Variants in LINC00305 observed in about 807,000 individuals in gnomAD.
LINC00305 encodes the protein long independently transcribed non-coding RNA 305.
intron 3 of LINC00305, among the ~76,000 whole-genome samples, chr18:64,093,542 C>A (rs2051233065): frequency 6.6e-6 from 1 of 152,146 alleles, no homozygotes; most frequent in Admixed American, 6.5e-5. Flanking sequence ...CCATGTTGGC[C>A]AGGTTGGTCT....
At chr18:64,102,724 AG>A (rs2051272459) in intron 1 of LINC00305, among the ~76,000 whole-genome samples, 2 of 152,316 alleles carry the variant, frequency 1.3e-5, no homozygotes, top group East Asian at 3.9e-4. Flanking sequence ...CGGAGGGCAA[AG>A]GGGAAGCAGG....
intron 1 of LINC00305, among the ~76,000 whole-genome samples, chr18:64,143,603 TATGTACATATGTAC>T (rs1568120126): frequency 1.9e-5 from 2 of 103,882 alleles, no homozygotes; most frequent in African/African-American, 4.3e-5. Context: ...CACATATGTA[TATGTACATATGTAC>T]ACATATGTAT....
chr18:64,143,808 T>TACAC (rs2051483347), intron 1 of LINC00305, among the ~76,000 whole-genome samples: 1 of 151,512 alleles, frequency 6.6e-6, no homozygotes, highest in African/African-American at 2.4e-5. Context: ...TACATGTATG[T>TACAC]ATACATATAT....
chr18:64,133,760 C>T (rs1599228083), intron 1 of LINC00305, among the ~76,000 whole-genome samples: 1 of 152,302 alleles, frequency 6.6e-6, no homozygotes, highest in South Asian at 2.1e-4. Flanking sequence ...GAAACTCTTC[C>T]TGATTTTCCC....
chr18:64,099,487 C>A (rs141551288), intron 1 of LINC00305, among the ~76,000 whole-genome samples: 260 of 152,200 alleles, frequency 1.7e-3, no homozygotes, highest in African/African-American at 6.0e-3. Flanking sequence ...GGGTTGGACC[C>A]AGAGATGGAA....
chr18:64,083,106 A>G (rs1400357887), intron 3 of LINC00305, among the ~76,000 whole-genome samples: 3 of 151,952 alleles, frequency 2.0e-5, no homozygotes, highest in Non-Finnish European at 4.4e-5. Context: ...TCCTTTAATC[A>G]TCCTACTTTA....
chr18:64,138,953 G>A (rs1196002502), intron 1 of LINC00305, among the ~76,000 whole-genome samples: 1 of 152,152 alleles, frequency 6.6e-6, no homozygotes, highest in Non-Finnish European at 1.5e-5. Context: ...GATAACCAGT[G>A]CATGCAGACG....
At chr18:64,128,345 A>G (rs1357028897) in intron 1 of LINC00305, among the ~76,000 whole-genome samples, 3 of 149,388 alleles carry the variant, frequency 2.0e-5, no homozygotes, top group Admixed American at 6.6e-5. Context: ...CTGTGACACC[A>G]TCACCTGCCA....
chr18:64,088,126 C>T (rs1175586326), intron 3 of LINC00305, among the ~76,000 whole-genome samples: 7 of 150,460 alleles, frequency 4.7e-5, no homozygotes, highest in Admixed American at 4.6e-4. Flanking sequence ...GGCGACAGAG[C>T]GAGACTCCGT....
intron 1 of LINC00305, among the ~76,000 whole-genome samples, chr18:64,100,069 G>C (rs1282643095): frequency 6.6e-6 from 1 of 152,054 alleles, no homozygotes; most frequent in Non-Finnish European, 1.5e-5. Flanking sequence ...TTTAAAGAAA[G>C]ACTTAATATC....
At chr18:64,139,765 C>T (rs1254920623) in intron 1 of LINC00305, among the ~76,000 whole-genome samples, 2 of 151,908 alleles carry the variant, frequency 1.3e-5, no homozygotes, top group Non-Finnish European at 2.9e-5. Flanking sequence ...AGGAAGCGGT[C>T]GCAGGTCTAG....
intron 1 of LINC00305, among the ~76,000 whole-genome samples, chr18:64,136,001 A>G (rs1283656628): frequency 2.0e-5 from 3 of 152,176 alleles, no homozygotes; most frequent in Admixed American, 6.5e-5. Context: ...TTGAATAATC[A>G]GCAGGGCTTG....
chr18:64,127,113 A>G (rs1430631519), intron 1 of LINC00305, among the ~76,000 whole-genome samples: 1 of 152,128 alleles, frequency 6.6e-6, no homozygotes, highest in Non-Finnish European at 1.5e-5. Context: ...TTGAAACCAA[A>G]TAACATGTTA....
intron 1 of LINC00305, among the ~76,000 whole-genome samples, chr18:64,105,417 C>T (rs532159623): frequency 6.6e-6 from 1 of 152,124 alleles, no homozygotes; most frequent in Non-Finnish European, 1.5e-5. Context: ...ACTGATTGTA[C>T]CACTGCACTC....
chr18:64,123,986 G>A (rs1234958098), intron 1 of LINC00305, among the ~76,000 whole-genome samples: 1 of 151,960 alleles, frequency 6.6e-6, no homozygotes, highest in African/African-American at 2.4e-5. Flanking sequence ...TGCTTTTGGA[G>A]GTGAGGCCCT....
chr18:64,083,583 C>G (rs1423631784), intron 3 of LINC00305, among the ~76,000 whole-genome samples: 1 of 152,200 alleles, frequency 6.6e-6, no homozygotes, highest in Non-Finnish European at 1.5e-5. Flanking sequence ...TCTGGCAAGT[C>G]TTGCCCTTGG....
intron 1 of LINC00305, among the ~76,000 whole-genome samples, chr18:64,129,232 A>G (rs1251062817): frequency 6.6e-6 from 1 of 152,162 alleles, no homozygotes; most frequent in African/African-American, 2.4e-5. Context: ...GAATTCTAGT[A>G]CTAAAATTAA....
At chr18:64,144,819 C>T (rs1568120673) in intron 1 of LINC00305, among the ~76,000 whole-genome samples, 1 of 152,184 alleles carries the variant, frequency 6.6e-6, no homozygotes, top group Non-Finnish European at 1.5e-5. Context: ...TGTGCTTCCC[C>T]CTGCAGAGGG....
At chr18:64,094,488 C>T (rs1037165131) in intron 3 of LINC00305, among the ~76,000 whole-genome samples, 3 of 152,300 alleles carry the variant, frequency 2.0e-5, no homozygotes, top group African/African-American at 7.2e-5. Flanking sequence ...TCCAGGATGT[C>T]TGGAGCTTCC....
Sources: gnomAD v4.1 joint callset for allele counts (sites outside exome capture counted in the v4.1 genomes callset) on GRCh38, gnomAD v4.1.1 for gene constraint, MANE v1.5 for transcripts, NCBI Gene and HGNC (gene_info 2026-07-23, HGNC 2026-07-21) for gene names.